The following VAMP7 variants were observed in gnomAD, a reference collection of about 807,000 sequenced individuals.
VAMP7 encodes the protein vesicle associated membrane protein 7, also known as vesicle-associated membrane protein 7.
In VAMP7, 14 loss-of-function variants were observed where a neutral mutation model predicts 29.6. The observed-to-expected ratio is 0.47, with a 90% confidence interval of 0.31 to 0.74. The LOEUF (loss-of-function observed/expected upper bound fraction) is 0.74. Ranked by LOEUF, VAMP7 falls within the 30% of genes least tolerant of loss-of-function variation. The pLI is 0.05. For missense variants in VAMP7, 223 were observed against 262.4 expected, an observed-to-expected ratio of 0.85 and a Z score of 1.04; for synonymous variants, 95 against 88.1, an observed-to-expected ratio of 1.08 and a Z score of -0.44.
chrX:155,941,589 T>C (rs984017683), intron 7 of VAMP7, among the ~76,000 whole-genome samples: 22 of 152,164 alleles, frequency 1.4e-4, no homozygotes, highest in African/African-American at 5.3e-4. Context: ...TCAGTATGAG[T>C]TGCTCATTTA....
At chrX:155,890,712 G>A (rs2065916745) in intron 2 of VAMP7, among the ~76,000 whole-genome samples, 1 of 152,098 alleles carries the variant, frequency 6.6e-6, no homozygotes, top group South Asian at 2.1e-4. Context: ...TATTAGAGTG[G>A]CCATAGTTGG....
At chrX:155,935,284 C>T (rs1341768301) in intron 6 of VAMP7, among the ~76,000 whole-genome samples, 1 of 152,140 alleles carries the variant, frequency 6.6e-6, no homozygotes, top group Non-Finnish European at 1.5e-5. Flanking sequence ...GGCTAATATC[C>T]TGCAGAGTGT....
chrX:155,903,542 G>A (rs961234795), intron 5 of VAMP7, among the ~76,000 whole-genome samples: 18 of 151,824 alleles, frequency 1.2e-4, no homozygotes, highest in East Asian at 1.2e-3. Flanking sequence ...AAAAGTGGGC[G>A]AAGGACATGA....
intron 6 of VAMP7, among the ~76,000 whole-genome samples, chrX:155,922,507 A>T (rs1317555977): frequency 6.6e-6 from 1 of 152,004 alleles, no homozygotes; most frequent in African/African-American, 2.4e-5. Flanking sequence ...TTCAGTTAGT[A>T]TGGCAAATTA....
At chrX:155,919,189 G>A (rs1428546727) in intron 5 of VAMP7, among the ~76,000 whole-genome samples, 2 of 152,184 alleles carry the variant, frequency 1.3e-5, no homozygotes, top group African/African-American at 4.8e-5. Context: ...GAGTTCTCCA[G>A]TGAAGCCAGC....
chrX:155,907,807 C>T (rs778886790), intron 5 of VAMP7, among the ~76,000 whole-genome samples: 22 of 152,192 alleles, frequency 1.4e-4, no homozygotes, highest in African/African-American at 4.3e-4. Context: ...CCAGACGGGG[C>T]GGCTGCTGGG....
intron 5 of VAMP7, among the ~76,000 whole-genome samples, chrX:155,917,735 G>A (rs933898119): frequency 5.1e-4 from 77 of 152,128 alleles, no homozygotes; most frequent in African/African-American, 1.8e-3. Flanking sequence ...TGTATGAGAT[G>A]TCTGTCGACT....
chrX:155,888,515 G>T (rs1356086958), intron 1 of VAMP7, among the ~76,000 whole-genome samples: 1 of 152,244 alleles, frequency 6.6e-6, no homozygotes, highest in East Asian at 1.9e-4. Flanking sequence ...ACAGTTAATC[G>T]AAGACTAGAC....
chrX:155,936,848 A>T (rs1219842147), intron 6 of VAMP7, among the ~76,000 whole-genome samples: 5 of 152,300 alleles, frequency 3.3e-5, no homozygotes, highest in South Asian at 4.2e-4. Context: ...GAAATTTTTT[A>T]AAAATCCCAT....
chrX:155,926,971 A>AT (rs1420855710), intron 6 of VAMP7, among the ~76,000 whole-genome samples: 3 of 152,164 alleles, frequency 2.0e-5, no homozygotes, highest in Non-Finnish European at 4.4e-5. Flanking sequence ...CCGTCACCTT[A>AT]TATAGGCACA....
intron 1 of VAMP7, 98 bp from the exon 2 acceptor site, chrX:155,889,360 A>G (rs2065900313): frequency 1.4e-6 from 2 of 1,474,196 alleles, no homozygotes; most frequent in East Asian, 4.6e-5. Context: ...CTCGTTAGAT[A>G]CTATCTCCAG....
intron 1 of VAMP7, 106 bp from the exon 2 acceptor site, chrX:155,889,352 C>T (rs888676297): frequency 2.5e-5 from 36 of 1,428,974 alleles, no homozygotes; most frequent in South Asian, 9.9e-5. Context: ...TATAGTGCCT[C>T]GTTAGATACT....
intron 5 of VAMP7, among the ~76,000 whole-genome samples, chrX:155,910,530 A>G (rs1029529150): frequency 4.6e-5 from 7 of 151,376 alleles, no homozygotes; most frequent in Admixed American, 2.0e-4. Context: ...GGAAATCTCC[A>G]CACTGGTTTC....
chrX:155,907,897 G>T (rs1211263535), intron 5 of VAMP7, among the ~76,000 whole-genome samples: 1 of 152,156 alleles, frequency 6.6e-6, no homozygotes, highest in African/African-American at 2.4e-5. Context: ...CGGCCGGGCA[G>T]CGACGCTCCT....
chrX:155,913,841 G>A (rs1350340921), intron 5 of VAMP7, among the ~76,000 whole-genome samples: 1 of 152,130 alleles, frequency 6.6e-6, no homozygotes, highest in African/African-American at 2.4e-5. Flanking sequence ...GCTTAGGATT[G>A]TCTTGGCTAT....
chrX:155,895,681 G>T lies in VAMP7; in HGVS notation c.204+1G>T, dbSNP rs1251056078. On this transcript the variant is annotated splice_donor_variant, in intron 3 of 7. Transcript: ENST00000286448. LOFTEE classifies it high-confidence loss of function. ...TGTATATCTTTGTATCACTGATGATGTAAGTAACTTGAAGACATATTGCTA... is the reference window on the plus strand; with the variant it reads ...TGTATATCTTTGTATCACTGATGATTTAAGTAACTTGAAGACATATTGCTA... 1 of 1,607,268 alleles carries T rather than the reference G, an allele frequency of 6.2e-7. No homozygotes were observed. The highest frequency in any genetic ancestry group is 1.1e-5 in the South Asian group (1 of 90,788).
chrX:155,887,803 C>T (rs1488167888), intron 1 of VAMP7, among the ~76,000 whole-genome samples: 1 of 151,850 alleles, frequency 6.6e-6, no homozygotes, highest in Non-Finnish European at 1.5e-5. Flanking sequence ...TGGTGGCACA[C>T]ACCTGTAGTC....
intron 5 of VAMP7, among the ~76,000 whole-genome samples, chrX:155,913,340 A>G (rs1162747408): frequency 6.6e-5 from 10 of 152,022 alleles, no homozygotes; most frequent in Non-Finnish European, 1.3e-4. Flanking sequence ...CACTCTGATG[A>G]TAGTTTCTTT....
At chrX:155,923,644 A>C (rs1334965214) in intron 6 of VAMP7, among the ~76,000 whole-genome samples, 3 of 151,758 alleles carry the variant, frequency 2.0e-5, no homozygotes, top group Non-Finnish European at 2.9e-5. Flanking sequence ...TTTGATTATA[A>C]TATATATGCC....
Sources: gnomAD v4.1 joint callset for allele counts (sites outside exome capture counted in the v4.1 genomes callset) on GRCh38, gnomAD v4.1.1 for gene constraint, MANE v1.5 for transcripts, NCBI Gene and HGNC (gene_info 2026-07-23, HGNC 2026-07-21) for gene names.